Variants in SLC27A1 observed in about 807,000 individuals in gnomAD.
SLC27A1 encodes the protein solute carrier family 27 member 1.
Under a neutral mutation model 62.2 loss-of-function variants are expected in SLC27A1, and 61 were observed. That is an observed-to-expected ratio of 0.98 (90% CI 0.80 to 1.21). The LOEUF is 1.21. Ranked by LOEUF, SLC27A1 falls within the 50% of genes most tolerant of loss-of-function variation. SLC27A1 has a pLI of 0.00. For synonymous variants in SLC27A1, 435 were observed against 408.6 expected (o/e 1.06, Z -0.78); for missense variants, 903 against 932.1 (o/e 0.97, Z 0.41).
Position 17,500,341 on chromosome 19 carries a change from G to C in SLC27A1, c.1270G>C (p.Val424Leu). 5 of 1,614,226 alleles carry C rather than the reference G, an allele frequency of 3.1e-6. No individual in the cohort carries two copies. The highest frequency in any genetic ancestry group is 4.2e-6 in the Non-Finnish European group (5 of 1,180,026). The change falls in exon 8 of 12, where the codon GTC becomes CTC. Residue 424 changes from valine (V) to leucine (L), a missense_variant. Transcript: ENST00000252595. ...PHVYPIRLVKVNEDTMELLRD... is the reference protein window; with the variant it reads ...PHVYPIRLVKLNEDTMELLRD... The stretch of plus-strand genomic sequence containing the variant: ...CGTGTACCCCATCCGGCTGGTGAAG[G>C]TCAATGAGGACACAATGGAGCTGCT...
At chr19:17,504,279 G>C (rs754551272) in intron 11 of SLC27A1, among the ~76,000 whole-genome samples, 176 bp from the exon 12 acceptor site, 4 of 152,110 alleles carry the variant, frequency 2.6e-5, no homozygotes, top group Non-Finnish European at 4.4e-5. Flanking sequence ...CTGGAGGAGG[G>C]GGCATGAAGC....
intron 1 of SLC27A1, among the ~76,000 whole-genome samples, chr19:17,473,367 T>G (rs1472346307): frequency 6.6e-6 from 1 of 152,198 alleles, no homozygotes; most frequent in Non-Finnish European, 1.5e-5. Context: ...AAATTTCCTT[T>G]TAGCTCCTGG....
At chr19:17,469,907 G>T, upstream of SLC27A1, among the ~76,000 whole-genome samples, 1 of 148,492 alleles carries the variant, frequency 6.7e-6, no homozygotes, top group East Asian at 2.0e-4. Flanking sequence ...TATTGCGGGG[G>T]GGTGGGGAGG....
intron 6 of SLC27A1, chr19:17,497,053 C>A: frequency 1.9e-6 from 1 of 528,684 alleles, no homozygotes. Context: ...GCATCCTAGA[C>A]CCTTTGCAAG....
chr19:17,477,026 C>G (rs2075129842), intron 1 of SLC27A1, among the ~76,000 whole-genome samples: 1 of 151,102 alleles, frequency 6.6e-6, no homozygotes, highest in Non-Finnish European at 1.5e-5. Flanking sequence ...GTAGCTGGGA[C>G]TATAGGTGCC....
At chr19:17,483,108 G>GGAATGAGGGAATGAATGAA (rs2075196824) in intron 1 of SLC27A1, among the ~76,000 whole-genome samples, 2 of 151,896 alleles carry the variant, frequency 1.3e-5, no homozygotes, top group Non-Finnish European at 2.9e-5. Context: ...GAATGAATGA[G>GGAATGAGGGAATGAATGAA]GGAATGAGGG....
intron 1 of SLC27A1, among the ~76,000 whole-genome samples, chr19:17,474,818 CG>C (rs1374407627): frequency 6.6e-6 from 1 of 151,422 alleles, no homozygotes; most frequent in Non-Finnish European, 1.5e-5. Flanking sequence ...TTAGTAGAGA[CG>C]GGGTTTCTCC....
At position 17,493,122 on chromosome 19, in the gene SLC27A1, C is replaced by CAA. The variant is rs35742259; in HGVS notation, c.996+4017_996+4018dup. 2.6e-3 allele frequency among the ~76,000 whole-genome samples: 288 copies of CAA among 112,868 alleles called. 3 individuals are homozygous for CAA. The highest frequency in any genetic ancestry group is 8.6e-3 in the African/African-American group (260 of 30,212). The allele number at this position is 112,868 out of a possible 152,430, so 74.0% of individuals were successfully genotyped here. The stretch of plus-strand genomic sequence containing the variant: ...TGGGCGACAGAGTGAGACTCCATCT[C>CAA]AAAAAAAAAAAAAGAAAAATAGAGG... On this transcript the variant is annotated intron_variant, in intron 6 of 11. Coordinates refer to ENST00000252595, the MANE Select transcript of SLC27A1 (RefSeq NM_198580.3).
intron 1 of SLC27A1, among the ~76,000 whole-genome samples, chr19:17,482,894 A>T (rs764816785): frequency 3.3e-5 from 5 of 152,130 alleles, no homozygotes; most frequent in African/African-American, 1.2e-4. Context: ...CAGCAGATGC[A>T]TAGATGCTAG....
intron 3 of SLC27A1, 21 bp from the exon 4 acceptor site, chr19:17,487,438 CT>C (rs777649528): frequency 1.9e-6 from 3 of 1,600,560 alleles, no homozygotes; most frequent in South Asian, 2.2e-5. Flanking sequence ...GGCCCCACCC[CT>C]AACACCTGTA....
rs553353798 is a variant in SLC27A1 at position 17,492,632 on chromosome 19, A to G, written c.996+3515A>G. 3.0e-4 allele frequency among the ~76,000 whole-genome samples: 45 copies of G among 149,812 alleles called. No individual in the cohort carries two copies. The South Asian group carries it at 8.0e-3, about 27-fold the overall frequency. On this transcript the variant is annotated intron_variant, in intron 6 of 11. Coordinates refer to ENST00000252595, the MANE Select transcript of SLC27A1 (RefSeq NM_198580.3). ...ACTCCATCTCAAAAAAAAAAAAAAA[A>G]AAAGAAAAAGAAATAGAGGACGGGG...
intron 1 of SLC27A1, among the ~76,000 whole-genome samples, chr19:17,482,968 A>G (rs1336495250): frequency 6.8e-6 from 1 of 147,666 alleles, no homozygotes; most frequent in Non-Finnish European, 1.5e-5. Flanking sequence ...ATGCCAATGA[A>G]TGATGGAGGG....
Position 17,500,855 on chromosome 19 carries a change from G to A in SLC27A1, c.1615G>A (p.Val539Ile), listed in dbSNP as rs371481409. The A allele has an allele frequency of 2.4e-5, 38 of 1,608,942 alleles. No homozygotes were observed. The highest frequency in any genetic ancestry group is 1.3e-4 in the African/African-American group (10 of 74,734). The stretch of plus-strand genomic sequence containing the variant: ...CCTGCTGGGCCAGACAGACGTGGCC[G>A]TCTATGGGGTGGCTGTTCCAGGCAA... Reference protein sequence around the residue: ...SRLLGQTDVAVYGVAVPGVEG... With the variant: ...SRLLGQTDVAIYGVAVPGVEG... The change falls in exon 10 of 12, where the codon GTC (valine) becomes ATC (isoleucine). Residue 539 changes from valine to isoleucine, a missense_variant. Transcript: ENST00000252595.
chr19:17,499,053 A>C (rs1488112692), intron 7 of SLC27A1: 1 of 159,336 alleles, frequency 6.3e-6, no homozygotes, highest in East Asian at 1.8e-4. Context: ...ACTGTGGGCA[A>C]GCCTGACTGA....
At position 17,505,178 on chromosome 19, in the gene SLC27A1, G is replaced by C. The variant is rs1414024606; in HGVS notation, c.*566G>C. The C allele has an allele frequency of 1.9e-5, 6 of 316,272 alleles. No individual in the cohort carries two copies. Among genetic ancestry groups the C allele is most frequent in the South Asian group, 5.3e-5 (2 of 37,418 alleles). The allele number at this position is 316,272 out of a possible 1,614,324, so 19.6% of individuals were successfully genotyped here. ...CAGAGTGCTGGGATTATAGGCGTGA[G>C]CCTCTGGCCCGGCCTTTCCTTTTTC... On this transcript the variant is annotated 3_prime_UTR_variant, in exon 12 of 12. Coordinates refer to ENST00000252595, the MANE Select transcript of SLC27A1 (RefSeq NM_198580.3).
rs374057877 is a variant in SLC27A1, at chr19:17,487,296, A to T, written c.685A>T (p.Thr229Ser). Residue 229 changes from threonine to serine, a missense_variant, in exon 3 of 12, where the codon ACT becomes TCT. Thr to Ser is a moderately conservative substitution (Grantham distance 58, BLOSUM62 1). Coordinates refer to ENST00000252595, the MANE Select transcript of SLC27A1 (RefSeq NM_198580.3). Reference protein sequence around the residue: ...LLDPLLKEASTAPLAQIPSKG... With the variant: ...LLDPLLKEASSAPLAQIPSKG... ...GGACCCGCTGCTGAAGGAGGCCTCT[A>T]CTGCCCCCTTGGCACAGATCCCCAG... 1 of 1,613,284 alleles carries T rather than the reference A, an allele frequency of 6.2e-7. No individual in the cohort carries two copies. Among genetic ancestry groups the T allele is most frequent in the Middle Eastern group, 1.7e-4 (1 of 6,030 alleles).
chr19:17,489,132 T>G lies in SLC27A1; in HGVS notation c.996+15T>G, dbSNP rs1477209205. 3 of 1,611,122 alleles carry G rather than the reference T, an allele frequency of 1.9e-6. No homozygotes were observed. On this transcript the variant is annotated intron_variant, in intron 6 of 11. Coordinates refer to ENST00000252595, the MANE Select transcript of SLC27A1 (RefSeq NM_198580.3). The stretch of plus-strand genomic sequence containing the variant: ...ACAACTGCACGGTCAGGCCCTGCCC[T>G]GTTCTGTCTAGACCCCGCCCCTCCC...
At chr19:17,470,812 C>G in intron 1 of SLC27A1, 105 bp downstream of exon 1, 1 of 562,962 alleles carries the variant, frequency 1.8e-6, no homozygotes, top group Non-Finnish European at 2.1e-6. Flanking sequence ...GTCCGGAGAG[C>G]TGAGGGTGCT....
intron 11 of SLC27A1, 46 bp downstream of exon 11, chr19:17,501,465 G>A (rs374778837): frequency 1.9e-6 from 3 of 1,587,758 alleles, no homozygotes; most frequent in South Asian, 1.1e-5. Flanking sequence ...CCATCAGTGT[G>A]TCTGTTGATT....
Sources: allele counts gnomAD v4.1 joint callset (sites outside exome capture counted in the v4.1 genomes callset), GRCh38; gene constraint gnomAD v4.1.1; transcripts MANE v1.5; gene names NCBI Gene and HGNC (gene_info 2026-07-23, HGNC 2026-07-21).